The following BAG6 variants were observed in gnomAD, a reference collection of about 807,000 sequenced individuals.
BAG6 encodes large proline-rich protein BAG6.
A neutral mutation model predicts 121.0 loss-of-function variants in BAG6; 22 were observed. The observed-to-expected ratio is 0.18, with a 90% CI of 0.13 to 0.26. The LOEUF is 0.26. BAG6 is among the 10% of genes least tolerant of loss of function. The probability of loss-of-function intolerance (pLI) is 1.00; values close to 1 mark genes in which losing one functional copy is unlikely to be tolerated. For missense variants in BAG6, 1,233 were observed against 1,537.7 expected (o/e 0.80, Z 3.31); for synonymous variants, 583 against 584.6 (o/e 1.00, Z 0.04).
chr6:31,641,745 G>T lies in BAG6; in HGVS notation c.2505+31C>A. On this transcript the variant is annotated intron_variant, in intron 17 of 25. Coordinates refer to ENST00000676615, the MANE Select transcript of BAG6 (RefSeq NM_001387994.1). The surrounding 1 kb of genome is among the most constrained non-coding windows in gnomAD (Gnocchi z 5.7). ...ATAAGGAATAAAATGTGCAAAAGAGGAGAGTTCTGGGGCCCCTGGCCTTCA... is the reference window on the plus strand; with the variant it reads ...ATAAGGAATAAAATGTGCAAAAGAGTAGAGTTCTGGGGCCCCTGGCCTTCA... 1 of 1,612,296 alleles carries T rather than the reference G, an allele frequency of 6.2e-7. No homozygotes were observed. The highest frequency in any genetic ancestry group is 1.1e-5 in the South Asian group (1 of 91,052).
chr6:31,647,862 G>T (rs1292293339), intron 6 of BAG6, 36 bp from the exon 7 acceptor site: 1 of 1,508,532 alleles, frequency 6.6e-7, no homozygotes, highest in Non-Finnish European at 8.8e-7. Flanking sequence ...CCAAAGGCAG[G>T]GTAAGACTGC....
Position 31,641,910 on chromosome 6 carries a change from T to G in BAG6, c.2371A>C (p.Asn791His). The stretch of plus-strand genomic sequence containing the variant: ...ATCACTACGTCCACCATAGAGAAGT[T>G]CTGGCACAGAAGAGAAAGCAAGGCC... ...FGALLSLLCQNFSMVDVVMLL... is the reference protein window; with the variant it reads ...FGALLSLLCQHFSMVDVVMLL... The change falls in exon 17 of 26, where the codon AAC becomes CAC. Residue 791 changes from asparagine (N) to histidine (H), a missense_variant. Coordinates refer to ENST00000676615, the MANE Select transcript of BAG6 (RefSeq NM_001387994.1). The surrounding 1 kb of genome is among the most constrained non-coding windows in gnomAD (Gnocchi z 5.7). 2 of 1,612,784 alleles carry G rather than the reference T, an allele frequency of 1.2e-6. No individual in the cohort carries two copies.
At position 31,644,494 on chromosome 6, in the gene BAG6, G is replaced by C; in HGVS notation, c.1447+31C>G. ...CAGCCCTTCCCTTTCTCTACCCAGA[G>C]CTCAGCCTGCCCTGATGCCCTCACT... On this transcript the variant is annotated intron_variant, in intron 11 of 25. Coordinates refer to ENST00000676615, the MANE Select transcript of BAG6 (RefSeq NM_001387994.1). The surrounding 1 kb of genome is among the most constrained non-coding windows in gnomAD (Gnocchi z 4.9). The C allele has an allele frequency of 1.3e-6, 2 of 1,595,658 alleles. No individual in the cohort carries two copies. Among genetic ancestry groups the C allele is most frequent in the Non-Finnish European group, 1.7e-6 (2 of 1,171,406 alleles).
At position 31,640,298 on chromosome 6, in the gene BAG6, G is replaced by A. The variant is rs150316231; in HGVS notation, c.3147C>T (p.Val1049=). 106 of 1,614,202 alleles carry A rather than the reference G, an allele frequency of 6.6e-5. No individual in the cohort carries two copies. The African/African-American group carries it at 1.3e-3, about 20-fold the overall frequency. ...PWAAAVPPEW[V]PIIQQDIQSQ... is the part of the protein sequence containing the mutation. ...TCTGAATGTCCTGCTGGATAATAGG[G>A]ACCCATTCCTGGGGAGGAAAAGAGA... Residue 1049 remains valine, a synonymous_variant, in exon 24 of 26, where the codon GTC becomes GTT. Transcript: ENST00000676615. The surrounding 1 kb of genome is among the most constrained non-coding windows in gnomAD (Gnocchi z 4.2).
At position 31,641,677 on chromosome 6, in the gene BAG6, G is replaced by T; in HGVS notation, c.2506-85C>A. 1 of 1,607,822 alleles carries T rather than the reference G, an allele frequency of 6.2e-7. No individual in the cohort carries two copies. The highest frequency in any genetic ancestry group is 8.5e-7 in the Non-Finnish European group (1 of 1,174,248). ...CGACCCCAACAAGTCCAGGGCTTGT[G>T]TGGGGGCAATTGGAGCTTTACCTGG... is the stretch of plus-strand genomic sequence containing the variant. On this transcript the variant is annotated intron_variant, in intron 17 of 25. Coordinates refer to ENST00000676615, the MANE Select transcript of BAG6 (RefSeq NM_001387994.1). This position sits in a 1 kb window ranked among gnomAD's most constrained non-coding sequence, Gnocchi z 5.7.
chr6:31,646,589 G>A lies in BAG6; in HGVS notation c.789-66C>T, dbSNP rs1031707178. 3.8e-6 allele frequency: 6 copies of A among 1,580,680 alleles called. No homozygotes were observed. The African/African-American group carries it at 5.4e-5, about 14-fold the overall frequency. On this transcript the variant is annotated intron_variant, in intron 7 of 25. Transcript: ENST00000676615. ...CAGATTCCCACCCTCACAGTCAACA[G>A]GGACCACATGTGCCCTCTTTCTCCC...
At position 31,641,363 on chromosome 6, in the gene BAG6, T is replaced by G; in HGVS notation, c.2619A>C (p.Gln873His). ...GCGCAGCAATGCTATTAAACTGCTCTTGGAGAAATTCCAGGTTTGTCCGGA... is the reference window on the plus strand; with the variant it reads ...GCGCAGCAATGCTATTAAACTGCTCGTGGAGAAATTCCAGGTTTGTCCGGA... ...DIIRTNLEFLQEQFNSIAAHV... is the reference protein window; with the variant it reads ...DIIRTNLEFLHEQFNSIAAHV... Residue 873 changes from glutamine (Q) to histidine (H), a missense_variant, in exon 19 of 26, where the codon CAA (glutamine) becomes CAC (histidine). By Grantham distance (24) the Gln-to-His change is conservative. Transcript: ENST00000676615. The surrounding 1 kb of genome is among the most constrained non-coding windows in gnomAD (Gnocchi z 5.7). 3 of 1,614,244 alleles carry G rather than the reference T, an allele frequency of 1.9e-6. No individual in the cohort carries two copies. The East Asian group carries it at 6.7e-5, about 36-fold the overall frequency.
At chr6:31,642,804 G>A (rs780897350) in intron 15 of BAG6, 25 bp downstream of exon 15, 1 of 1,606,308 alleles carries the variant, frequency 6.2e-7, no homozygotes, top group Non-Finnish European at 8.5e-7. Flanking sequence ...AGGAAGATGA[G>A]GTGAATGGCA....
Position 31,648,928 on chromosome 6 carries a change from C to G in BAG6, c.460G>C (p.Glu154Gln). ...GSAVDVHINM[E>Q]QAPIQSEPRV... is the part of the protein sequence containing the mutation. ...CTCAATACCTGAATCGGGGCCTGTT[C>G]CATGTTGATGTGAACATCCACAGCA... is the stretch of plus-strand genomic sequence containing the variant. Residue 154 changes from glutamate to glutamine, a missense_variant, in exon 5 of 26, where the codon GAA becomes CAA. Transcript: ENST00000676615. 1 of 1,533,712 alleles carries G rather than the reference C, an allele frequency of 6.5e-7. No homozygotes were observed. Among genetic ancestry groups the G allele is most frequent in the Non-Finnish European group, 8.8e-7 (1 of 1,142,642 alleles).
intron 4 of BAG6, 32 bp downstream of exon 4, chr6:31,649,167 C>T: frequency 1.2e-6 from 2 of 1,611,858 alleles, no homozygotes; most frequent in Non-Finnish European, 1.7e-6. Context: ...AAGCTACCCA[C>T]AAAAGCCCTC....
chr6:31,647,450 G>A, intron 7 of BAG6, 141 bp downstream of exon 7: 1 of 1,242,418 alleles, frequency 8.0e-7, no homozygotes, highest in Non-Finnish European at 1.1e-6. Flanking sequence ...TATACCGAGA[G>A]AGCCCCTCCT....
chr6:31,644,524 C>T lies in BAG6; in HGVS notation c.1447+1G>A. On this transcript the variant is annotated splice_donor_variant, in intron 11 of 25. Coordinates refer to ENST00000676615, the MANE Select transcript of BAG6 (RefSeq NM_001387994.1). LOFTEE classifies it high-confidence loss of function. The surrounding 1 kb of genome is among the most constrained non-coding windows in gnomAD (Gnocchi z 4.9). ...GCCTGCCCTGATGCCCTCACTCTTA[C>T]CCAGGGTTTGGCCATGACCAGGGGG... is the stretch of plus-strand genomic sequence containing the variant. 1 of 1,608,870 alleles carries T rather than the reference C, an allele frequency of 6.2e-7. No homozygotes were observed. Among genetic ancestry groups the T allele is most frequent in the Non-Finnish European group, 8.5e-7 (1 of 1,177,970 alleles).
chr6:31,651,893 C>A (rs1797189350), intron 1 of BAG6, 117 bp from the exon 2 acceptor site: 3 of 670,978 alleles, frequency 4.5e-6, no homozygotes, highest in Non-Finnish European at 8.0e-6. Context: ...CACACACACA[C>A]ATTCACACCT....
chr6:31,651,800 G>A (rs1212577130), intron 1 of BAG6, 24 bp from the exon 2 acceptor site: 1 of 1,583,526 alleles, frequency 6.3e-7, no homozygotes, highest in Non-Finnish European at 8.7e-7. Context: ...AAGGAAGGAA[G>A]GCCCGCTGTT....
Position 31,648,690 on chromosome 6 carries a change from A to G in BAG6, c.539T>C (p.Leu180Pro). ...TTGCCCACTTACCTCCATCCGGGAT[A>G]GTAAGGTCTGTATATCCCTGATCAT... ...QHMIRDIQTL[L>P]SRMECRGGPQ... Residue 180 changes from leucine to proline, a missense_variant, in exon 6 of 26, where the codon CTA (leucine) becomes CCA (proline). By Grantham distance (98) the Leu-to-Pro change is moderately conservative. Around this residue, in one of 7 missense-constraint regions of BAG6, gnomAD observed 777 missense variants for 861.4 expected, o/e 0.90. Transcript: ENST00000676615. The G allele has an allele frequency of 6.2e-7, 1 of 1,614,012 alleles. No individual in the cohort carries two copies. Among genetic ancestry groups the G allele is most frequent in the Non-Finnish European group, 8.5e-7 (1 of 1,179,994 alleles).
In BAG6 at chr6:31,651,725, C is replaced by A; in HGVS notation, c.39G>T (p.Glu13Asp). The A allele has an allele frequency of 6.2e-7, 1 of 1,613,058 alleles. No individual in the cohort carries two copies. Among genetic ancestry groups the A allele is most frequent in the Non-Finnish European group, 8.5e-7 (1 of 1,180,030 alleles). Residue 13 changes from glutamate (E) to aspartate (D), a missense_variant, in exon 2 of 26, where the codon GAG becomes GAT. Coordinates refer to ENST00000676615, the MANE Select transcript of BAG6 (RefSeq NM_001387994.1). The stretch of plus-strand genomic sequence containing the variant: ...TCACCAACACCTCCAAGCTGTCAGG[C>A]TCCTCCACAGCGGTACTGGTACTAT... ...PNDSTSTAVE[E>D]PDSLEVLVKT...
rs538339405 is a variant in BAG6, at chr6:31,647,815, C to T, written c.564G>A (p.Gly188=). The change falls in exon 7 of 26, where the codon GGG becomes GGA. Residue 188 remains glycine (G), a synonymous_variant. Transcript: ENST00000676615. ...TLLSRMECRG[G]PQPQHSQPPP... ...GCGGCTGACTGTGCTGCGGTTGGGG[C>T]CCTCCTCGACACTGAAGGTAGGGGA... 7.1e-6 allele frequency: 11 copies of T among 1,548,842 alleles called. No individual in the cohort carries two copies. In the Admixed American group the frequency reaches 1.3e-4, roughly 18 times the overall value.
intron 7 of BAG6, among the ~76,000 whole-genome samples, chr6:31,646,760 ATTTTTG>A (rs1300626574): frequency 8.2e-4 from 81 of 98,814 alleles, no homozygotes; most frequent in Non-Finnish European, 1.6e-3. Flanking sequence ...CACCCGGCTA[ATTTTTG>A]TTTTTTTTTT....
At chr6:31,650,045 G>A (rs915112407) in intron 2 of BAG6, among the ~76,000 whole-genome samples, 4 of 152,088 alleles carry the variant, frequency 2.6e-5, no homozygotes, top group African/African-American at 9.7e-5. Flanking sequence ...AGGTTGCAGT[G>A]AGCCGAGATC....
Sources: gnomAD v4.1 joint callset for allele counts (sites outside exome capture counted in the v4.1 genomes callset) on GRCh38, gnomAD v4.1.1 for gene constraint, gnomAD v4.1.1 regional missense constraint, Gnocchi (gnomAD v3.1) non-coding constraint, MANE v1.5 for transcripts, NCBI Gene and HGNC (gene_info 2026-07-23, HGNC 2026-07-21) for gene names.